Variants in CLASP1 observed in about 807,000 individuals in gnomAD.
CLASP1 encodes cytoplasmic linker associated protein 1.
In CLASP1, 38 loss-of-function variants were observed where a neutral mutation model predicts 192.3. The ratio of observed to expected loss-of-function variants is 0.20; its 90% CI spans 0.15 to 0.26. CLASP1 has a LOEUF of 0.26. Ranked by LOEUF, CLASP1 falls within the 10% of genes least tolerant of loss-of-function variation. The pLI is 1.00. For synonymous variants in CLASP1, 691 were observed against 712.8 expected, an observed-to-expected ratio of 0.97 and a Z score of 0.49; for missense variants, 1,433 against 1,932.5, an observed-to-expected ratio of 0.74 and a Z score of 4.85.
At chr2:121,357,813 A>G (rs7601226) in intron 37 of CLASP1, among the ~76,000 whole-genome samples, 32,243 of 152,132 alleles carry the variant, frequency 0.21, 6,528 homozygotes, top group African/African-American at 0.53. Flanking sequence ...TTGGCTCAGC[A>G]GGGTTCAACC....
chr2:121,512,024 T>TA (rs1347758144), intron 7 of CLASP1, among the ~76,000 whole-genome samples: 1 of 152,228 alleles, frequency 6.6e-6, no homozygotes, highest in Non-Finnish European at 1.5e-5. Flanking sequence ...TTATAAATTT[T>TA]AAAATAGATA....
chr2:121,571,193 T>C (rs995964037), intron 2 of CLASP1, among the ~76,000 whole-genome samples: 1 of 152,064 alleles, frequency 6.6e-6, no homozygotes, highest in Admixed American at 6.6e-5. Flanking sequence ...TTTTTTTCTT[T>C]TGGGATGGGT....
At chr2:121,408,962 A>G in intron 24 of CLASP1, 1 of 1,448,554 alleles carries the variant, frequency 6.9e-7, no homozygotes, top group Middle Eastern at 1.7e-4. Flanking sequence ...ACTAGCTTCT[A>G]AAAGAAATAT....
At chr2:121,499,742 C>G (rs983463923) in intron 8 of CLASP1, among the ~76,000 whole-genome samples, 7 of 151,902 alleles carry the variant, frequency 4.6e-5, no homozygotes, top group African/African-American at 1.7e-4. Flanking sequence ...CCACCTGGGT[C>G]TCTCCCAAGC....
chr2:121,342,320 G>A (rs1358523538), intron 39 of CLASP1, among the ~76,000 whole-genome samples: 3 of 152,102 alleles, frequency 2.0e-5, no homozygotes, highest in Non-Finnish European at 2.9e-5. Flanking sequence ...GCTTTGCCAT[G>A]TTGACCAGGC....
intron 26 of CLASP1, among the ~76,000 whole-genome samples, chr2:121,402,879 G>A (rs991010339): frequency 6.6e-6 from 1 of 152,156 alleles, no homozygotes; most frequent in Non-Finnish European, 1.5e-5. Context: ...GTCTCACTCT[G>A]TTGTTCAGGC....
At chr2:121,381,627 C>T (rs533309919) in intron 33 of CLASP1, among the ~76,000 whole-genome samples, 3 of 152,304 alleles carry the variant, frequency 2.0e-5, no homozygotes, top group Admixed American at 6.5e-5. Context: ...AAGGGACTGA[C>T]GTTTCTCCTT....
At chr2:121,348,437 C>T in intron 38 of CLASP1, 75 bp downstream of exon 39, 1 of 1,349,362 alleles carries the variant, frequency 7.4e-7, no homozygotes, top group Non-Finnish European at 1.0e-6. Flanking sequence ...AGGAGGAGCA[C>T]AAAGCCCTTA....
intron 37 of CLASP1, among the ~76,000 whole-genome samples, chr2:121,358,331 C>T (rs2065787407): frequency 6.6e-6 from 1 of 152,118 alleles, no homozygotes; most frequent in Admixed American, 6.5e-5. Flanking sequence ...ATCACCTAGT[C>T]CACTTGATAG....
At chr2:121,535,216 G>A (rs916317069) in intron 2 of CLASP1, among the ~76,000 whole-genome samples, 16 of 152,206 alleles carry the variant, frequency 1.1e-4, no homozygotes, top group African/African-American at 3.1e-4. Context: ...CCTGGGAGGC[G>A]GAAGTTGCAG....
At chr2:121,483,024 A>G (rs1426573867) in intron 8 of CLASP1, among the ~76,000 whole-genome samples, 1 of 152,172 alleles carries the variant, frequency 6.6e-6, no homozygotes, top group Non-Finnish European at 1.5e-5. Context: ...CCTAACTCAG[A>G]GTTCATCCAG....
intron 2 of CLASP1, among the ~76,000 whole-genome samples, chr2:121,554,875 TTA>T (rs2058393482): frequency 6.6e-6 from 1 of 152,214 alleles, no homozygotes; most frequent in African/African-American, 2.4e-5. Context: ...GGTATATAAA[TTA>T]TATCTCAGTA....
At chr2:121,411,968 C>T (rs993379086) in intron 23 of CLASP1, among the ~76,000 whole-genome samples, 1 of 152,108 alleles carries the variant, frequency 6.6e-6, no homozygotes, top group Non-Finnish European at 1.5e-5. Context: ...AATAAGACTT[C>T]GTTTGGACAA....
chr2:121,382,396 T>C, intron 32 of CLASP1, 72 bp from the exon 34 acceptor site: 2 of 880,276 alleles, frequency 2.3e-6, no homozygotes, highest in Non-Finnish European at 3.5e-6. Flanking sequence ...AGGAAAGCAC[T>C]ACACACTAAG....
At chr2:121,545,091 T>C (rs544392760) in intron 2 of CLASP1, among the ~76,000 whole-genome samples, 1 of 152,150 alleles carries the variant, frequency 6.6e-6, no homozygotes, top group South Asian at 2.1e-4. Flanking sequence ...TTTGTATTTT[T>C]AGTAGAGACA....
At chr2:121,510,692 G>A (rs1303074727) in intron 7 of CLASP1, among the ~76,000 whole-genome samples, 2 of 152,046 alleles carry the variant, frequency 1.3e-5, no homozygotes, top group African/African-American at 4.8e-5. Flanking sequence ...CAGCTACTTG[G>A]GAGGCCGAGA....
intron 6 of CLASP1, among the ~76,000 whole-genome samples, chr2:121,520,001 A>G (rs2094421815): frequency 6.6e-6 from 1 of 152,198 alleles, no homozygotes; most frequent in Non-Finnish European, 1.5e-5. Flanking sequence ...CTGCAAAAAG[A>G]CAAGAGCCCC....
exon 40 of CLASP1, chr2:121,339,099 T>C (rs2062576763): frequency 6.6e-6 from 1 of 152,122 alleles, no homozygotes; most frequent in Admixed American, 6.6e-5. Flanking sequence ...GTACCACACA[T>C]GTGTAGGGTG....
At chr2:121,605,941 G>T (rs886309363) in exon 2 of CLASP1, 11 of 1,561,658 alleles carry the variant, frequency 7.0e-6, no homozygotes, top group Non-Finnish European at 8.8e-6. Flanking sequence ...GGGCAGTCAC[G>T]ATGACTCCCT....
Sources: allele counts gnomAD v4.1 joint callset (sites outside exome capture counted in the v4.1 genomes callset), GRCh38; gene constraint gnomAD v4.1.1; transcripts MANE v1.5; gene names NCBI Gene and HGNC (gene_info 2026-07-23, HGNC 2026-07-21).